DLGAP1: variants seen among roughly 807,000 people sequenced by gnomAD.
DLGAP1 encodes the protein DLG associated protein 1, also known as disks large-associated protein 1.
DLGAP1 carries 11 observed loss-of-function variants against 90.8 expected under a neutral mutation model. The observed-to-expected ratio is 0.12, with a 90% CI of 0.08 to 0.20. The LOEUF (loss-of-function observed/expected upper bound fraction) is 0.20, where lower values mean the gene tolerates loss of function less well. Ranked by LOEUF, DLGAP1 falls within the 10% of genes least tolerant of loss-of-function variation. The probability of loss-of-function intolerance (pLI) is 1.00; values close to 1 mark genes in which losing one functional copy is unlikely to be tolerated. For missense variants in DLGAP1, 1,050 were observed against 1,333.8 expected, an observed-to-expected ratio of 0.79 and a Z score of 3.31; for synonymous variants, 558 against 540.7, an observed-to-expected ratio of 1.03 and a Z score of -0.44.
At chr18:4,116,192 A>G (rs182646046) in intron 2 of DLGAP1, among the ~76,000 whole-genome samples, 153 of 152,318 alleles carry the variant, frequency 1.0e-3, no homozygotes, top group East Asian at 1.9e-4. Context: ...CAAATATGTC[A>G]TACCATTGCC....
intron 3 of DLGAP1, among the ~76,000 whole-genome samples, chr18:3,889,915 C>A (rs1025406099): frequency 2.6e-5 from 4 of 152,166 alleles, no homozygotes; most frequent in East Asian, 1.9e-4. Context: ...AAGAGAGGAG[C>A]CAGTCCAGAG....
chr18:4,259,847 A>C (rs1212618688), intron 1 of DLGAP1, among the ~76,000 whole-genome samples: 1 of 152,200 alleles, frequency 6.6e-6, no homozygotes, highest in Non-Finnish European at 1.5e-5. Flanking sequence ...TTCCAAACGC[A>C]AAACATCTAA....
chr18:4,093,403 C>A (rs1050843872), intron 2 of DLGAP1, among the ~76,000 whole-genome samples: 1 of 152,112 alleles, frequency 6.6e-6, no homozygotes, highest in Non-Finnish European at 1.5e-5. Context: ...GGACCAAATG[C>A]TGATTTAACA....
chr18:3,744,095 C>T (rs931398130), intron 5 of DLGAP1, among the ~76,000 whole-genome samples: 2 of 151,888 alleles, frequency 1.3e-5, no homozygotes, highest in African/African-American at 4.8e-5. Flanking sequence ...CCCCCATAGC[C>T]GCTATTATTT....
At chr18:3,810,693 A>C (rs773994557) in intron 5 of DLGAP1, among the ~76,000 whole-genome samples, 3 of 152,200 alleles carry the variant, frequency 2.0e-5, no homozygotes, top group Non-Finnish European at 2.9e-5. Flanking sequence ...TCAAAACATC[A>C]TCAAGGAATG....
chr18:3,691,821 G>A (rs368452704), intron 7 of DLGAP1, among the ~76,000 whole-genome samples: 23 of 152,244 alleles, frequency 1.5e-4, no homozygotes, highest in South Asian at 6.2e-4. Context: ...TTGGGAGGCT[G>A]AGATGGGCAG....
chr18:4,175,129 A>T (rs983278574), intron 1 of DLGAP1, among the ~76,000 whole-genome samples: 1 of 152,218 alleles, frequency 6.6e-6, no homozygotes, highest in African/African-American at 2.4e-5. Flanking sequence ...CTGGTGTGAG[A>T]TGGTATCTCA....
At chr18:3,506,003 G>A (rs1469678832) in intron 11 of DLGAP1, among the ~76,000 whole-genome samples, 4 of 152,154 alleles carry the variant, frequency 2.6e-5, no homozygotes, top group African/African-American at 7.2e-5. Flanking sequence ...TTGGGAGGCC[G>A]AGGAGGGTGG....
intron 7 of DLGAP1, among the ~76,000 whole-genome samples, chr18:3,703,132 T>C (rs1317780246): frequency 6.6e-6 from 1 of 152,176 alleles, no homozygotes; most frequent in Non-Finnish European, 1.5e-5. Context: ...CCCAGGCACA[T>C]GATGGCACTA....
At chr18:4,170,778 T>A (rs930926084) in intron 1 of DLGAP1, among the ~76,000 whole-genome samples, 1 of 152,206 alleles carries the variant, frequency 6.6e-6, no homozygotes, top group East Asian at 1.9e-4. Context: ...TTACTTATTG[T>A]CTTCCACAAC....
chr18:4,175,034 C>G (rs1011161506), intron 1 of DLGAP1, among the ~76,000 whole-genome samples: 1 of 152,166 alleles, frequency 6.6e-6, no homozygotes, highest in African/African-American at 2.4e-5. Context: ...TTTACTTTCT[C>G]ACCAACAGTG....
intron 2 of DLGAP1, among the ~76,000 whole-genome samples, chr18:4,064,765 A>C (rs909318508): frequency 6.6e-6 from 1 of 152,098 alleles, no homozygotes; most frequent in African/African-American, 2.4e-5. Flanking sequence ...ACAGATGTAC[A>C]AAGAAGAGCC....
intron 2 of DLGAP1, among the ~76,000 whole-genome samples, chr18:4,017,234 C>T (rs2074537904): frequency 6.6e-6 from 1 of 152,160 alleles, no homozygotes; most frequent in South Asian, 2.1e-4. Context: ...CTTCTCTCTC[C>T]CTCAGGGTAG....
At position 3,641,862 on chromosome 18, in the gene DLGAP1, A is replaced by G. The variant is rs929524835; in HGVS notation, c.1592-59614T>C. Among the ~76,000 whole-genome samples, 9 of 152,190 alleles carry G rather than the reference A, an allele frequency of 5.9e-5. No individual in the cohort carries two copies. The East Asian group carries it at 9.6e-4, about 16-fold the overall frequency. ...ACAAATGTTTGAGTCTTGAAAAAAG[A>G]GTCACTGGCTCTAAACCATGAACAG... On this transcript the variant is annotated intron_variant, in intron 7 of 12. Coordinates refer to ENST00000315677, the MANE Select transcript of DLGAP1 (RefSeq NM_004746.4).
At chr18:3,816,245 A>T (rs766910870) in intron 4 of DLGAP1, among the ~76,000 whole-genome samples, 2 of 152,194 alleles carry the variant, frequency 1.3e-5, no homozygotes, top group African/African-American at 2.4e-5. Context: ...GAGGTGTTTA[A>T]CTCCTAAGAT....
In DLGAP1 at chr18:4,168,597, C is replaced by T. The variant is rs755796950; in HGVS notation, c.-266-17310G>A. ...CCTTGGTAACCACTATTCTACTTTTCGTTTCTATTAATTTGTCTACTCTAG... is the reference window on the plus strand; with the variant it reads ...CCTTGGTAACCACTATTCTACTTTTTGTTTCTATTAATTTGTCTACTCTAG... On this transcript the variant is annotated intron_variant, in intron 1 of 12. Coordinates refer to ENST00000315677, the MANE Select transcript of DLGAP1 (RefSeq NM_004746.4). Among the ~76,000 whole-genome samples, 11 of 152,188 alleles carry T rather than the reference C, an allele frequency of 7.2e-5. No homozygotes were observed. In the South Asian group the frequency reaches 1.5e-3, roughly 20 times the overall value.
chr18:4,204,508 G>T (rs906938011), intron 1 of DLGAP1, among the ~76,000 whole-genome samples: 22 of 148,100 alleles, frequency 1.5e-4, no homozygotes, highest in Non-Finnish European at 2.5e-4. Flanking sequence ...GACTGTTGTG[G>T]TTTTTTTTTT....
At position 3,506,335 on chromosome 18, in the gene DLGAP1, G is replaced by T. The variant is rs112226890; in HGVS notation, c.2571+2235C>A. The stretch of plus-strand genomic sequence containing the variant: ...CCGAGACCAGCCTGACCAACATGGA[G>T]AAACCCTGTCTCTACTAAAAATACA... On this transcript the variant is annotated intron_variant, in intron 11 of 12. Coordinates refer to ENST00000315677, the MANE Select transcript of DLGAP1 (RefSeq NM_004746.4). Among the ~76,000 whole-genome samples the T allele has an allele frequency of 2.7e-3, 416 of 151,910 alleles. 4 individuals carry two copies. Among genetic ancestry groups the T allele is most frequent in the African/African-American group, 9.5e-3 (395 of 41,448 alleles).
rs34819875 is a variant in DLGAP1, at chr18:3,518,525, TAAA to T, written c.2480-9867_2480-9865del. The stretch of plus-strand genomic sequence containing the variant: ...GGTTGCCACAAACCTTCAATTTGTT[TAAA>T]AAAAAAAAAAAGCAGTGTCTTCAAA... On this transcript the variant is annotated intron_variant, in intron 10 of 12. Coordinates refer to ENST00000315677, the MANE Select transcript of DLGAP1 (RefSeq NM_004746.4). Among the ~76,000 whole-genome samples, 686 of 148,602 alleles carry T rather than the reference TAAA, an allele frequency of 4.6e-3. 6 individuals carry two copies. Among genetic ancestry groups the T allele is most frequent in the African/African-American group, 0.013 (528 of 40,390 alleles).
Sources: gnomAD v4.1 joint callset for allele counts (sites outside exome capture counted in the v4.1 genomes callset) on GRCh38, gnomAD v4.1.1 for gene constraint, MANE v1.5 for transcripts, NCBI Gene and HGNC (gene_info 2026-07-23, HGNC 2026-07-21) for gene names.